The following CLEC3B variants were observed in gnomAD, a reference collection of about 807,000 sequenced individuals.
CLEC3B encodes the protein tetranectin.
Under a neutral mutation model 15.4 loss-of-function variants are expected in CLEC3B, and 13 were observed. The observed-to-expected ratio is 0.84, with a 90% CI of 0.55 to 1.34. The LOEUF is 1.34. Among genes scored for constraint, CLEC3B ranks in the 40% most tolerant of loss-of-function variants. The pLI is 0.00. For synonymous variants in CLEC3B, 112 were observed against 114.7 expected (o/e 0.98, Z 0.15); for missense variants, 242 against 268.6 (o/e 0.90, Z 0.69).
intron 2 of CLEC3B, chr3:45,034,510 G>C (rs1191668941): frequency 6.6e-6 from 1 of 152,236 alleles, no homozygotes; most frequent in Non-Finnish European, 1.5e-5. Context: ...ACATACACCT[G>C]TCTGTCAAGA....
Position 45,026,354 on chromosome 3 carries a change from C to T in CLEC3B, c.-9C>T, listed in dbSNP as rs760306489. On this transcript the variant is annotated 5_prime_UTR_variant, in exon 1 of 3. Coordinates refer to ENST00000296130, the MANE Select transcript of CLEC3B (RefSeq NM_003278.3). ...TGCAGGCAGCAGCAGCCCCCGCCCG[C>T]GCAGCAGCATGGAGCTCTGGGGGGC... 9.3e-6 allele frequency: 15 copies of T among 1,611,912 alleles called. No homozygotes were observed. The highest frequency in any genetic ancestry group is 8.0e-5 in the African/African-American group (6 of 74,910).
At chr3:45,034,748 C>G (rs1348944896) in intron 2 of CLEC3B, among the ~76,000 whole-genome samples, 1 of 152,230 alleles carries the variant, frequency 6.6e-6, no homozygotes, top group Admixed American at 6.5e-5. Context: ...CTTGCCTGAT[C>G]GCCGGCCTCT....
At chr3:45,033,697 C>T (rs757067717) in intron 2 of CLEC3B, among the ~76,000 whole-genome samples, 8 of 152,154 alleles carry the variant, frequency 5.3e-5, no homozygotes, top group Non-Finnish European at 8.8e-5. Context: ...GGAGGACTAG[C>T]ATAAATCGAC....
At chr3:45,031,822 GACTATTT>G (rs1353892120) in intron 2 of CLEC3B, among the ~76,000 whole-genome samples, 1 of 150,172 alleles carries the variant, frequency 6.7e-6, no homozygotes, top group Non-Finnish European at 1.5e-5. Context: ...CAATACTGAT[GACTATTT>G]ACATGTGAGC....
rs1559760996 is a variant in CLEC3B at position 45,035,858 on chromosome 3, CG to C, written c.545del (p.Gly182AlafsTer?). 1 of 1,612,442 alleles carries C rather than the reference CG, an allele frequency of 6.2e-7. No individual in the cohort carries two copies. Among genetic ancestry groups the C allele is most frequent in the Non-Finnish European group, 8.5e-7 (1 of 1,179,758 alleles). ...NCAVLSGAAN[G>X]KWFDKRCRDQ... ...GCGCGGTCCTGTCAGGCGCGGCCAA[CG>C]GCAAGTGGTTCGACAAGCGCTGCCG... is the stretch of plus-strand genomic sequence containing the variant. On this transcript the variant is annotated frameshift_variant, in exon 3 of 3. Coordinates refer to ENST00000296130, the MANE Select transcript of CLEC3B (RefSeq NM_003278.3). LOFTEE classifies it high-confidence loss of function.
chr3:45,034,752 G>A (rs1009742670), intron 2 of CLEC3B, among the ~76,000 whole-genome samples: 2 of 152,162 alleles, frequency 1.3e-5, no homozygotes, highest in East Asian at 1.9e-4. Flanking sequence ...CCTGATCGCC[G>A]GCCTCTGACC....
intron 2 of CLEC3B, among the ~76,000 whole-genome samples, chr3:45,031,701 A>G (rs1401201681): frequency 1.3e-5 from 2 of 152,076 alleles, no homozygotes; most frequent in African/African-American, 2.4e-5. Context: ...CTGGCAGCCT[A>G]TTGTTTCTCA....
rs1383346422 is a variant in CLEC3B, at chr3:45,026,487, G to C, written c.109+16G>C. 3.7e-6 allele frequency: 6 copies of C among 1,607,512 alleles called. No homozygotes were observed. The highest frequency in any genetic ancestry group is 5.1e-6 in the Non-Finnish European group (6 of 1,174,320). On this transcript the variant is annotated intron_variant, in intron 1 of 2. Coordinates refer to ENST00000296130, the MANE Select transcript of CLEC3B (RefSeq NM_003278.3). ...GCCAAGAAAGGTAAGGAGGGGGACAGAGCCCTGTGCCATCTTCCAGGGAGC... is the reference window on the plus strand; with the variant it reads ...GCCAAGAAAGGTAAGGAGGGGGACACAGCCCTGTGCCATCTTCCAGGGAGC...
At position 45,035,828 on chromosome 3, in the gene CLEC3B, G is replaced by A. The variant is rs768210788; in HGVS notation, c.513G>A (p.Glu171=). 1.2e-6 allele frequency: 2 copies of A among 1,613,278 alleles called. No individual in the cohort carries two copies. Among genetic ancestry groups the A allele is most frequent in the African/African-American group, 1.3e-5 (1 of 75,074 alleles). ...CGCAACCCGATGGCGGCAAGACCGA[G>A]AACTGCGCGGTCCTGTCAGGCGCGG... ...ITAQPDGGKT[E]NCAVLSGAAN... The change falls in exon 3 of 3, where the codon GAG becomes GAA. Residue 171 remains glutamate (E), a synonymous_variant. Transcript: ENST00000296130.
chr3:45,036,039 G>A lies in CLEC3B; in HGVS notation c.*115G>A. On this transcript the variant is annotated 3_prime_UTR_variant, in exon 3 of 3. Transcript: ENST00000296130. The stretch of plus-strand genomic sequence containing the variant: ...CTCCGTGCGCTTGGAGCCTCTTTTT[G>A]CAAATAAAGTTGGTGCAGCTTCGCG... 1 of 1,252,820 alleles carries A rather than the reference G, an allele frequency of 8.0e-7. No homozygotes were observed. Among genetic ancestry groups the A allele is most frequent in the Non-Finnish European group, 1.1e-6 (1 of 932,198 alleles). The allele number at this position is 1,252,820 out of a possible 1,614,324, so 77.6% of individuals were successfully genotyped here. A position where few individuals can be genotyped will look rare whatever the true frequency, so the allele number is the denominator to read the frequency against.
At chr3:45,028,322 A>T (rs971809141) in intron 1 of CLEC3B, among the ~76,000 whole-genome samples, 1 of 152,208 alleles carries the variant, frequency 6.6e-6, no homozygotes, top group Non-Finnish European at 1.5e-5. Flanking sequence ...TTAGGAGGCC[A>T]AGGTGGGAGG....
At chr3:45,032,014 C>T (rs1282993116) in intron 2 of CLEC3B, among the ~76,000 whole-genome samples, 3 of 151,964 alleles carry the variant, frequency 2.0e-5, no homozygotes, top group East Asian at 1.9e-4. Context: ...TATTTTCCAC[C>T]GAGAAGGACC....
chr3:45,032,233 C>T (rs990165038), intron 2 of CLEC3B, among the ~76,000 whole-genome samples: 1 of 152,174 alleles, frequency 6.6e-6, no homozygotes, highest in Non-Finnish European at 1.5e-5. Context: ...CCCCAACAGC[C>T]TTCTCACCGG....
chr3:45,028,085 G>A (rs1365840223), intron 1 of CLEC3B, among the ~76,000 whole-genome samples: 1 of 152,176 alleles, frequency 6.6e-6, no homozygotes, highest in Non-Finnish European at 1.5e-5. Flanking sequence ...GCCTCTCGCT[G>A]AAACCCATGG....
intron 1 of CLEC3B, 120 bp downstream of exon 1, chr3:45,026,591 A>T: frequency 1.2e-6 from 1 of 864,058 alleles, no homozygotes; most frequent in Non-Finnish European, 1.9e-6. Context: ...GAACTTGAGT[A>T]AAGTGGGCTT....
At chr3:45,027,648 G>A (rs1412536026) in intron 1 of CLEC3B, among the ~76,000 whole-genome samples, 3 of 152,206 alleles carry the variant, frequency 2.0e-5, no homozygotes, top group Non-Finnish European at 2.9e-5. Flanking sequence ...GGGGCTGGGC[G>A]CAGTCTCAAC....
chr3:45,035,934 CG>C lies in CLEC3B; in HGVS notation c.*15del. The C allele has an allele frequency of 7.7e-7, 1 of 1,293,566 alleles. No individual in the cohort carries two copies. The allele number at this position is 1,293,566 out of a possible 1,614,324, so 80.1% of individuals were successfully genotyped here. ...GTTCGGGATCGTGTAGCCGGCGGGG[CG>C]GGGGCCGTGGGGGGCCTGGAGGAGG... On this transcript the variant is annotated 3_prime_UTR_variant, in exon 3 of 3. Coordinates refer to ENST00000296130, the MANE Select transcript of CLEC3B (RefSeq NM_003278.3).
chr3:45,030,228 A>C, intron 1 of CLEC3B: 1 of 986,286 alleles, frequency 1.0e-6, no homozygotes, highest in Non-Finnish European at 1.2e-6. Flanking sequence ...ACACTCAGCC[A>C]AGCACTGAGG....
At chr3:45,028,465 A>T (rs1387360787) in intron 1 of CLEC3B, among the ~76,000 whole-genome samples, 1 of 152,244 alleles carries the variant, frequency 6.6e-6, no homozygotes, top group South Asian at 2.1e-4. Flanking sequence ...CTGAGGCAGG[A>T]GAATTGCTTG....
Sources: allele counts gnomAD v4.1 joint callset (sites outside exome capture counted in the v4.1 genomes callset), GRCh38; gene constraint gnomAD v4.1.1; transcripts MANE v1.5; gene names NCBI Gene and HGNC (gene_info 2026-07-23, HGNC 2026-07-21).